Variants in MYH16 observed in about 807,000 individuals in gnomAD.
MYH16 encodes putative uncharacterized protein MYH16.
rs1792263148 is a variant in MYH16, at chr7:99,285,377, G to T, written n.3317-5G>T. 6.6e-6 allele frequency: 3 copies of T among 456,578 alleles called. No homozygotes were observed. The highest frequency in any genetic ancestry group is 1.3e-5 in the Non-Finnish European group (3 of 226,988). 28.3% of individuals were successfully genotyped at this position (456,578 alleles called of 1,614,324 possible). A position where few individuals can be genotyped will look rare whatever the true frequency, so the allele number is the denominator to read the frequency against. On this transcript the variant is annotated splice_polypyrimidine_tract_variant and splice_region_variant and intron_variant and non_coding_transcript_variant, in intron 26 of 41. Coordinates refer to ENST00000439784, the Ensembl canonical transcript of MYH16. ...GATGAATCCCCTCCCTCCTCTGTCT[G>T]CTAGGACCGAATTGAAGAGCTGGAA... is the stretch of plus-strand genomic sequence containing the variant.
At chr7:99,296,966 A>G (rs1562786525) in intron 34 of MYH16, 49 bp downstream of exon 15, 3 of 448,608 alleles carry the variant, frequency 6.7e-6, no homozygotes, top group Non-Finnish European at 1.4e-5. Context: ...GAGGGGACAC[A>G]GCCAGAGTCC....
At position 99,258,203 on chromosome 7, in the gene MYH16, G is replaced by C. The variant is rs563603972; in HGVS notation, n.1217G>C. On this transcript the variant is annotated non_coding_transcript_exon_variant, in exon 11 of 42. Transcript: ENST00000439784. ...ATTACCAGGCCCCGAGTCAAAGTTG[G>C]CAATGAGTTTGTGCAAAAAGGCCAG... 6.5e-5 allele frequency: 10 copies of C among 152,736 alleles called. No homozygotes were observed. In the East Asian group the frequency reaches 1.9e-3, roughly 29 times the overall value. 9.5% of individuals were successfully genotyped at this position (152,736 alleles called of 1,614,324 possible). A position where few individuals can be genotyped will look rare whatever the true frequency, so the allele number is the denominator to read the frequency against.
chr7:99,291,732 G>A (rs1414311358), intron 31 of MYH16, among the ~76,000 whole-genome samples: 1 of 151,740 alleles, frequency 6.6e-6, no homozygotes, highest in African/African-American at 2.4e-5. Flanking sequence ...GCCAAGGTGG[G>A]CAGATCACCT....
chr7:99,278,996 A>G (rs1562780739), intron 21 of MYH16, among the ~76,000 whole-genome samples: 1 of 152,056 alleles, frequency 6.6e-6, no homozygotes, highest in Non-Finnish European at 1.5e-5. Flanking sequence ...GTTCAAGACC[A>G]GCCTGGGCCA....
downstream of MYH16, chr7:99,306,964 C>CA (rs1670003690): frequency 6.5e-6 from 1 of 152,722 alleles, no homozygotes; most frequent in African/African-American, 2.4e-5. Context: ...GTCTTTGTCA[C>CA]ACCCAGTCTC....
intron 30 of MYH16, among the ~76,000 whole-genome samples, chr7:99,290,677 C>T (rs1792359262): frequency 2.0e-5 from 3 of 151,734 alleles, no homozygotes; most frequent in African/African-American, 4.8e-5. Context: ...GTGGTACACA[C>T]TTGTAATCCC....
At chr7:99,285,399 GGAA>G (rs1378162994) in exon 27 of MYH16, 7 of 456,626 alleles carry the variant, frequency 1.5e-5, no homozygotes, top group Middle Eastern at 3.2e-4. Flanking sequence ...TTGAAGAGCT[GGAA>G]GAAGAACTAG....
At position 99,298,719 on chromosome 7, in the gene MYH16, C is replaced by G. The variant is rs1395724746; in HGVS notation, n.4740+724C>G. 2.0e-5 allele frequency among the ~76,000 whole-genome samples: 3 copies of G among 150,338 alleles called. No individual in the cohort carries two copies. The East Asian group carries it at 5.8e-4, about 29-fold the overall frequency. On this transcript the variant is annotated intron_variant and non_coding_transcript_variant, in intron 36 of 41. Coordinates refer to ENST00000439784, the Ensembl canonical transcript of MYH16. ...TATATATTTTGAACACTTGACTTAT[C>G]AGATATGATTTGCAAATATTTTTTC...
intron 21 of MYH16, among the ~76,000 whole-genome samples, chr7:99,279,181 ACT>A (rs200703053): frequency 2.0e-5 from 3 of 151,474 alleles, no homozygotes; most frequent in East Asian, 3.9e-4. Context: ...ACAGAGTGAG[ACT>A]CTGTCTCAAA....
intron 12 of MYH16, chr7:99,260,522 G>T: frequency 3.0e-6 from 1 of 329,278 alleles, no homozygotes; most frequent in African/African-American, 2.1e-5. Context: ...CTGTTTGTTG[G>T]GCTATTGCAT....
chr7:99,259,984 G>A (rs1411242448), intron 11 of MYH16, among the ~76,000 whole-genome samples: 1 of 151,886 alleles, frequency 6.6e-6, no homozygotes. Context: ...TGTAGGGGAG[G>A]GAACAGAGAG....
intron 31 of MYH16, among the ~76,000 whole-genome samples, chr7:99,291,897 C>T (rs561509797): frequency 1.6e-4 from 25 of 152,014 alleles, no homozygotes; most frequent in African/African-American, 3.4e-4. Flanking sequence ...GAGCCGAGAT[C>T]GCACCATTGC....
In MYH16 at chr7:99,285,457, C is replaced by T. The variant is rs1316121879; in HGVS notation, n.3373+19C>T. The T allele has an allele frequency of 2.2e-6, 1 of 456,700 alleles. No homozygotes were observed. The highest frequency in any genetic ancestry group is 6.9e-5 in the East Asian group (1 of 14,398). The allele number at this position is 456,700 out of a possible 1,614,324, so 28.3% of individuals were successfully genotyped here. A position where few individuals can be genotyped will look rare whatever the true frequency, so the allele number is the denominator to read the frequency against. ...AGCCAAGGTAAATGAAATACGTTTC[C>T]CCTTCTTGAGTCAAAAGACCTAACG... is the stretch of plus-strand genomic sequence containing the variant. On this transcript the variant is annotated intron_variant and non_coding_transcript_variant, in intron 27 of 41. Transcript: ENST00000439784.
chr7:99,283,780 A>G (rs1792237489), intron 24 of MYH16, 93 bp from the exon 7 acceptor site: 2 of 430,574 alleles, frequency 4.6e-6, no homozygotes, highest in Non-Finnish European at 9.4e-6. Context: ...TTCTGATGCC[A>G]CAGCTAAAGG....
Position 99,272,833 on chromosome 7 carries a change from C to G in MYH16, n.2404-509C>G, listed in dbSNP as rs1445926662. ...ATAGAATTAGTAATGAATTCCTGTT[C>G]CCATCAGCAGGCCACCTGCAGCCCT... On this transcript the variant is annotated intron_variant and non_coding_transcript_variant, in intron 19 of 41. Transcript: ENST00000439784. Among the ~76,000 whole-genome samples, 4 of 152,046 alleles carry G rather than the reference C, an allele frequency of 2.6e-5. No homozygotes were observed. The highest frequency in any genetic ancestry group is 5.9e-5 in the Non-Finnish European group (4 of 68,024).
Position 99,292,264 on chromosome 7 carries a change from C to T in MYH16, n.3953-48C>T, listed in dbSNP as rs573552592. 36 of 442,104 alleles carry T rather than the reference C, an allele frequency of 8.1e-5. 1 individual carries two copies. The highest frequency in any genetic ancestry group is 3.3e-4 in the South Asian group (21 of 63,330). The allele number at this position is 442,104 out of a possible 1,614,324, so 27.4% of individuals were successfully genotyped here. ...TACGTGTATCTAAGTGGTGGCCCTG[C>T]GGGCTGTGGAAAGCCCCCACGGGCG... On this transcript the variant is annotated intron_variant and non_coding_transcript_variant, in intron 31 of 41. Coordinates refer to ENST00000439784, the Ensembl canonical transcript of MYH16.
chr7:99,277,597 A>G, exon 21 of MYH16: 1 of 457,034 alleles, frequency 2.2e-6, no homozygotes, highest in South Asian at 1.5e-5. Context: ...AAGGAGGAGG[A>G]GCTCAGGAAA....
exon 23 of MYH16, chr7:99,280,876 G>A: frequency 2.8e-6 from 1 of 358,128 alleles, no homozygotes; most frequent in South Asian, 2.0e-5. Flanking sequence ...TGGTTTCTAG[G>A]CCCTGGATCA....
At chr7:99,260,253 G>A in exon 12 of MYH16, 2 of 1,606,646 alleles carry the variant, frequency 1.2e-6, no homozygotes, top group Admixed American at 1.7e-5. Context: ...TGGAGCAGGA[G>A]GAGTACAAGA....
Sources: allele counts gnomAD v4.1 joint callset (sites outside exome capture counted in the v4.1 genomes callset), GRCh38; gene constraint gnomAD v4.1.1; transcripts MANE v1.5; gene names NCBI Gene and HGNC (gene_info 2026-07-23, HGNC 2026-07-21).